Variants in ZHX3 observed in about 807,000 individuals in gnomAD.
ZHX3 encodes zinc fingers and homeoboxes protein 3.
Under a neutral mutation model 64.5 loss-of-function variants are expected in ZHX3, and 20 were observed. The observed-to-expected ratio is 0.31, with a 90% CI of 0.22 to 0.45. ZHX3 has a LOEUF of 0.45. ZHX3 is among the 20% of genes least tolerant of loss of function. The probability of loss-of-function intolerance (pLI) is 1.00; values close to 1 mark genes in which losing one functional copy is unlikely to be tolerated. For synonymous variants in ZHX3, 423 were observed against 461.6 expected (o/e 0.92, Z 1.07); for missense variants, 1,041 against 1,195.8 (o/e 0.87, Z 1.91).
At position 41,182,330 on chromosome 20, in the gene ZHX3, A is replaced by C. The variant is rs1407774768; in HGVS notation, c.*2861T>G. The stretch of plus-strand genomic sequence containing the variant: ...TTTTTCTTCAGGAGAGACTAACCTC[A>C]CCCAACTCTCAACTCTGCAGCCCAC... On this transcript the variant is annotated 3_prime_UTR_variant, in exon 4 of 4. Transcript: ENST00000683867. The surrounding 1 kb of genome is among the most constrained non-coding windows in gnomAD (Gnocchi z 6.1). 6.6e-6 allele frequency: 1 copy of C among 152,200 alleles called. No homozygotes were observed. The highest frequency in any genetic ancestry group is 6.5e-5 in the Admixed American group (1 of 15,286). 9.4% of individuals were successfully genotyped at this position (152,200 alleles called of 1,614,324 possible).
chr20:41,215,535 A>G (rs1426515180), intron 2 of ZHX3, among the ~76,000 whole-genome samples: 2 of 152,132 alleles, frequency 1.3e-5, no homozygotes, highest in Non-Finnish European at 2.9e-5. Flanking sequence ...TAAGAATTCA[A>G]TGAAGGAATT....
chr20:41,196,397 A>ATT (rs2146179838), intron 3 of ZHX3, among the ~76,000 whole-genome samples: 1 of 41,130 alleles, frequency 2.4e-5, no homozygotes, highest in East Asian at 2.2e-3. Flanking sequence ...ATATATTTAT[A>ATT]TATATTATAT....
intron 3 of ZHX3, among the ~76,000 whole-genome samples, chr20:41,199,702 C>CTT (rs34316877): frequency 0.015 from 2,083 of 136,728 alleles, 45 homozygotes; most frequent in African/African-American, 0.053. Flanking sequence ...TCAAAAAACT[C>CTT]TTTTTTTTTT....
chr20:41,302,611 C>T (rs1418769434), intron 1 of ZHX3, among the ~76,000 whole-genome samples: 2 of 152,246 alleles, frequency 1.3e-5, no homozygotes, highest in African/African-American at 4.8e-5. Context: ...ATCCAGTAGA[C>T]AGATGCCTAT....
chr20:41,307,272 T>C (rs1009880448), intron 1 of ZHX3, among the ~76,000 whole-genome samples: 3 of 152,268 alleles, frequency 2.0e-5, no homozygotes, highest in South Asian at 2.1e-4. Flanking sequence ...ACCGACCACA[T>C]TGACAACCAC....
intron 1 of ZHX3, among the ~76,000 whole-genome samples, chr20:41,279,056 C>A (rs901844756): frequency 6.6e-6 from 1 of 152,162 alleles, no homozygotes; most frequent in Non-Finnish European, 1.5e-5. Flanking sequence ...GGATTCCAGA[C>A]GTGAGCCACT....
At chr20:41,274,127 T>G (rs1328768262) in intron 1 of ZHX3, among the ~76,000 whole-genome samples, 1 of 152,218 alleles carries the variant, frequency 6.6e-6, no homozygotes, top group African/African-American at 2.4e-5. Flanking sequence ...TAATCCAAAA[T>G]TCATACTCCA....
chr20:41,188,268 T>G (rs1456351560), intron 3 of ZHX3, among the ~76,000 whole-genome samples: 1 of 152,212 alleles, frequency 6.6e-6, no homozygotes, highest in African/African-American at 2.4e-5. Context: ...TGGGATAAAA[T>G]GACATCTCAT....
chr20:41,194,843 A>T (rs2037351926), intron 3 of ZHX3, among the ~76,000 whole-genome samples: 1 of 152,218 alleles, frequency 6.6e-6, no homozygotes. Context: ...AACTGTTAAT[A>T]GTAGTCTCTT....
chr20:41,299,558 G>A (rs548911262), intron 1 of ZHX3, among the ~76,000 whole-genome samples: 1 of 152,136 alleles, frequency 6.6e-6, no homozygotes, highest in Admixed American at 6.5e-5. Flanking sequence ...AGTAGAAAAA[G>A]ACATATGAAA....
At chr20:41,198,738 G>A (rs2037973313) in intron 3 of ZHX3, among the ~76,000 whole-genome samples, 3 of 151,592 alleles carry the variant, frequency 2.0e-5, no homozygotes, top group African/African-American at 4.8e-5. Context: ...TCTTTCATCA[G>A]ATTTGGGAAA....
intron 1 of ZHX3, among the ~76,000 whole-genome samples, chr20:41,294,116 C>A (rs370064554): frequency 3.9e-5 from 6 of 152,078 alleles, no homozygotes; most frequent in Admixed American, 3.9e-4. Flanking sequence ...GAAAGGATGA[C>A]CACCTCCCAG....
At chr20:41,242,502 T>C (rs968820874) in intron 2 of ZHX3, among the ~76,000 whole-genome samples, 2 of 152,108 alleles carry the variant, frequency 1.3e-5, no homozygotes, top group African/African-American at 4.8e-5. Context: ...AGAATGCAAA[T>C]AGGGTGAGGA....
intron 1 of ZHX3, 94 bp downstream of exon 1, chr20:41,317,414 CA>C (rs915078304): frequency 9.8e-5 from 15 of 152,288 alleles, no homozygotes; most frequent in African/African-American, 3.6e-4. Context: ...GGAGCTCGCG[CA>C]GACACAGGGT....
chr20:41,270,190 T>C (rs6129795), intron 1 of ZHX3, among the ~76,000 whole-genome samples: 87,092 of 147,658 alleles, frequency 0.59, 26,481 homozygotes, highest in East Asian at 0.82. Context: ...AAGAGTTTGA[T>C]ACAGCCTGAC....
chr20:41,317,320 G>A (rs1446915763), intron 1 of ZHX3, 189 bp downstream of exon 1: 1 of 152,328 alleles, frequency 6.6e-6, no homozygotes, highest in Non-Finnish European at 1.5e-5. Context: ...GGGGGTGCTG[G>A]CGGCTGACAG....
intron 1 of ZHX3, among the ~76,000 whole-genome samples, chr20:41,299,257 G>GT (rs892967589): frequency 6.6e-6 from 1 of 152,058 alleles, no homozygotes; most frequent in Non-Finnish European, 1.5e-5. Flanking sequence ...ACTCTATAAT[G>GT]TTTTTTCTTA....
Position 41,204,100 on chromosome 20 carries a change from A to G in ZHX3, c.817T>C (p.Ser273Pro), listed in dbSNP as rs1225247301. Reference sequence around the variant, plus strand: ...TGCACTGGGGGCTGCTGCTGGAGGGAGAGGAACTGTGCTATGCCAGCTGGC... The same window carrying G: ...TGCACTGGGGGCTGCTGCTGGAGGGGGAGGAACTGTGCTATGCCAGCTGGC... ...VLPAGIAQFL[S>P]LQQQPPVHAQ... The change falls in exon 3 of 4, where the codon TCC (serine) becomes CCC (proline). Residue 273 changes from serine (S) to proline (P), a missense_variant. Transcript: ENST00000683867. This position sits in a 1 kb window ranked among gnomAD's most constrained non-coding sequence, Gnocchi z 6.6. 1.9e-6 allele frequency: 3 copies of G among 1,607,284 alleles called. No individual in the cohort carries two copies. The highest frequency in any genetic ancestry group is 1.7e-5 in the Admixed American group (1 of 59,668).
Position 41,201,148 on chromosome 20 carries a change from G to T in ZHX3, c.2860+909C>A. On this transcript the variant is annotated intron_variant, in intron 3 of 3. Coordinates refer to ENST00000683867, the MANE Select transcript of ZHX3 (RefSeq NM_001384317.1). This position sits in a 1 kb window ranked among gnomAD's most constrained non-coding sequence, Gnocchi z 5.0. Reference sequence around the variant, plus strand: ...AGGCAGCTCATGCCAAAGTCACCACGGAACCATCACATTGCCCAACACCAC... The same window carrying T: ...AGGCAGCTCATGCCAAAGTCACCACTGAACCATCACATTGCCCAACACCAC... The T allele has an allele frequency of 2.0e-6, 1 of 512,718 alleles. No homozygotes were observed. The allele number at this position is 512,718 out of a possible 1,614,324, so 31.8% of individuals were successfully genotyped here.
Sources: gnomAD v4.1 joint callset for allele counts (sites outside exome capture counted in the v4.1 genomes callset) on GRCh38, gnomAD v4.1.1 for gene constraint, Gnocchi (gnomAD v3.1) non-coding constraint, MANE v1.5 for transcripts, NCBI Gene and HGNC (gene_info 2026-07-23, HGNC 2026-07-21) for gene names.